Variants in PPP3CA observed in about 807,000 individuals in gnomAD.
The protein encoded by PPP3CA is CAM-PRP catalytic subunit.
PPP3CA carries 14 observed loss-of-function variants against 66.5 expected under a neutral mutation model. That is an observed-to-expected ratio of 0.21 (90% CI 0.14 to 0.33). The LOEUF (loss-of-function observed/expected upper bound fraction) is 0.33, where lower values mean the gene tolerates loss of function less well. Among genes scored for constraint, PPP3CA ranks in the 10% least tolerant of loss-of-function variants. The probability of loss-of-function intolerance (pLI) is 1.00; values close to 1 mark genes in which losing one functional copy is unlikely to be tolerated. For missense variants in PPP3CA, 317 were observed against 639.5 expected (o/e 0.50, Z 5.44); for synonymous variants, 232 against 226.2 (o/e 1.03, Z -0.23).
chr4:101,186,494 C>T (rs1413739504), intron 2 of PPP3CA, among the ~76,000 whole-genome samples: 1 of 152,106 alleles, frequency 6.6e-6, no homozygotes, highest in East Asian at 1.9e-4. Context: ...TGACATGGGA[C>T]TCTTTAGCAA....
intron 1 of PPP3CA, 80 bp downstream of exon 1, chr4:101,346,659 G>C: frequency 3.3e-6 from 4 of 1,205,970 alleles, no homozygotes; most frequent in South Asian, 1.3e-5. Context: ...GCGGGGGAGG[G>C]GAGGAAAGGC....
intron 11 of PPP3CA, among the ~76,000 whole-genome samples, chr4:101,034,864 A>G (rs1727170316): frequency 6.6e-6 from 1 of 152,202 alleles, no homozygotes; most frequent in South Asian, 2.1e-4. Flanking sequence ...GAGTACCTCT[A>G]AAGAACGAAC....
intron 2 of PPP3CA, among the ~76,000 whole-genome samples, chr4:101,116,086 A>C (rs1721830109): frequency 6.7e-6 from 1 of 150,352 alleles, no homozygotes; most frequent in East Asian, 1.9e-4. Context: ...TTCTATAAAG[A>C]CCTTTTAGTT....
chr4:101,063,314 T>C lies in PPP3CA; in HGVS notation c.999A>G (p.Gln333=). 5 of 1,611,192 alleles carry C rather than the reference T, an allele frequency of 3.1e-6. No individual in the cohort carries two copies. The highest frequency in any genetic ancestry group is 4.2e-6 in the Non-Finnish European group (5 of 1,178,130). Residue 333 remains glutamine (Q), a synonymous_variant, in exon 9 of 14, where the codon CAA becomes CAG. Transcript: ENST00000394854. ...KYENNVMNIR[Q]FNCSPHPYWL... Reference sequence around the variant, plus strand: ...AGTATGGATGAGGAGAACAGTTGAATTGCCTGATATTCATAACATTGTTCT... The same window carrying C: ...AGTATGGATGAGGAGAACAGTTGAACTGCCTGATATTCATAACATTGTTCT...
chr4:101,109,213 T>A, intron 2 of PPP3CA, 135 bp from the exon 3 acceptor site: 1 of 956,216 alleles, frequency 1.0e-6, no homozygotes, highest in Non-Finnish European at 1.5e-6. Flanking sequence ...GAACAAGAAG[T>A]ACGACAGAAA....
At chr4:101,254,619 A>G (rs1726781880) in intron 1 of PPP3CA, among the ~76,000 whole-genome samples, 1 of 151,942 alleles carries the variant, frequency 6.6e-6, no homozygotes, top group Non-Finnish European at 1.5e-5. Context: ...GAAGGTGTTC[A>G]CTGATATCAT....
At chr4:101,175,855 A>T (rs1055214293) in intron 2 of PPP3CA, among the ~76,000 whole-genome samples, 1 of 152,190 alleles carries the variant, frequency 6.6e-6, no homozygotes, top group African/African-American at 2.4e-5. Flanking sequence ...CACACAGAGG[A>T]GTTAAGTTTA....
intron 1 of PPP3CA, among the ~76,000 whole-genome samples, chr4:101,320,433 CACAT>C (rs913292474): frequency 1.3e-5 from 2 of 149,970 alleles, no homozygotes; most frequent in African/African-American, 4.9e-5. Flanking sequence ...ATGGTACACA[CACAT>C]ACACAAAACC....
In PPP3CA at chr4:101,346,640, G is replaced by A. The variant is rs1453442366; in HGVS notation, c.58+99C>T. ...GTCCGCGGCTGGAGCGGACAGAGGA[G>A]AACCTGGGGCGGGGGAGGGGAGGAA... On this transcript the variant is annotated intron_variant, in intron 1 of 13. Coordinates refer to ENST00000394854, the MANE Select transcript of PPP3CA (RefSeq NM_000944.5). The A allele has an allele frequency of 2.5e-5, 26 of 1,051,020 alleles. No individual in the cohort carries two copies. In the African/African-American group the frequency reaches 3.9e-4, roughly 16 times the overall value. 65.1% of individuals were successfully genotyped at this position (1,051,020 alleles called of 1,614,324 possible).
intron 1 of PPP3CA, among the ~76,000 whole-genome samples, chr4:101,299,132 T>TG (rs1264932867): frequency 8.0e-6 from 1 of 124,594 alleles, no homozygotes; most frequent in African/African-American, 3.2e-5. Context: ...TTTTTTTTTT[T>TG]GGTACAGAAG....
Position 101,275,875 on chromosome 4 carries a change from T to G in PPP3CA, c.58+70864A>C, listed in dbSNP as rs1560693261. Reference sequence around the variant, plus strand: ...GTGTATGTGTGGTTTTTTTTTTGTTTTTTGTTTGTTTGTTTGTTTTTTGTT... The same window carrying G: ...GTGTATGTGTGGTTTTTTTTTTGTTGTTTGTTTGTTTGTTTGTTTTTTGTT... On this transcript the variant is annotated intron_variant, in intron 1 of 13. Coordinates refer to ENST00000394854, the MANE Select transcript of PPP3CA (RefSeq NM_000944.5). Among the ~76,000 whole-genome samples the G allele has an allele frequency of 4.4e-3, 657 of 149,156 alleles. 9 individuals carry two copies. The South Asian group carries it at 0.056, about 13-fold the overall frequency.
chr4:101,312,928 C>T (rs1418796440), intron 1 of PPP3CA, among the ~76,000 whole-genome samples: 2 of 152,158 alleles, frequency 1.3e-5, no homozygotes, highest in Non-Finnish European at 2.9e-5. Context: ...GCAAAAAATA[C>T]ATAAAAAGCA....
In PPP3CA at chr4:101,347,429, C is replaced by G. The variant is rs1463057585; in HGVS notation, c.-633G>C. On this transcript the variant is annotated 5_prime_UTR_variant, in exon 1 of 14. Coordinates refer to ENST00000394854, the MANE Select transcript of PPP3CA (RefSeq NM_000944.5). ...CGCGGCCGCCGGAGACGTCCCGCCG[C>G]CGCGATCGCCCGCGCTCGCCTCTGC... The G allele has an allele frequency of 6.0e-6, 1 of 167,464 alleles. No individual in the cohort carries two copies. Among genetic ancestry groups the G allele is most frequent in the African/African-American group, 2.4e-5 (1 of 41,486 alleles). 10.4% of individuals were successfully genotyped at this position (167,464 alleles called of 1,614,324 possible). A position where few individuals can be genotyped will look rare whatever the true frequency, so the allele number is the denominator to read the frequency against.
intron 1 of PPP3CA, among the ~76,000 whole-genome samples, chr4:101,211,492 G>A (rs1418997199): frequency 1.3e-5 from 2 of 152,070 alleles, no homozygotes; most frequent in Non-Finnish European, 2.9e-5. Flanking sequence ...ATCTTATCTG[G>A]CTCTTCTGCC....
rs1282825885 is a variant in PPP3CA at position 101,240,522 on chromosome 4, TA to T, written c.59-44407del. 1.2e-4 allele frequency among the ~76,000 whole-genome samples: 18 copies of T among 151,996 alleles called. 2 individuals carry two copies. The highest frequency in any genetic ancestry group is 1.0e-3 in the Admixed American group (16 of 15,246). ...ATTTCTGTTTGTGTTTAAAGAAAAA[TA>T]ACCAGGTTGGTCTTGGAATCTACAA... On this transcript the variant is annotated intron_variant, in intron 1 of 13. Coordinates refer to ENST00000394854, the MANE Select transcript of PPP3CA (RefSeq NM_000944.5).
At chr4:101,072,671 G>A (rs1728967091) in intron 8 of PPP3CA, among the ~76,000 whole-genome samples, 1 of 152,094 alleles carries the variant, frequency 6.6e-6, no homozygotes, top group Non-Finnish European at 1.5e-5. Context: ...CATAAGTATA[G>A]TATGCTATCA....
Position 101,063,212 on chromosome 4 carries a change from C to A in PPP3CA, c.1081+20G>T, listed in dbSNP as rs771970265. 6.2e-7 allele frequency: 1 copy of A among 1,608,684 alleles called. No homozygotes were observed. Among genetic ancestry groups the A allele is most frequent in the Admixed American group, 1.7e-5 (1 of 59,594 alleles). ...TCCTAAACTATTTTAAGAAGAACAT[C>A]TCAGGATTCCACAACATACCTTTTT... On this transcript the variant is annotated intron_variant, in intron 9 of 13. Coordinates refer to ENST00000394854, the MANE Select transcript of PPP3CA (RefSeq NM_000944.5).
intron 1 of PPP3CA, among the ~76,000 whole-genome samples, chr4:101,211,375 T>TA (rs1003971705): frequency 2.6e-5 from 4 of 152,110 alleles, no homozygotes; most frequent in Non-Finnish European, 5.9e-5. Flanking sequence ...TAGAAAGCCT[T>TA]AAAAAAACAT....
chr4:101,183,369 C>A (rs1009426222), intron 2 of PPP3CA, among the ~76,000 whole-genome samples: 2 of 152,030 alleles, frequency 1.3e-5, no homozygotes, highest in Non-Finnish European at 2.9e-5. Flanking sequence ...TTCCTCATAC[C>A]GCACTGACAA....
Sources: allele counts gnomAD v4.1 joint callset (sites outside exome capture counted in the v4.1 genomes callset), GRCh38; gene constraint gnomAD v4.1.1; transcripts MANE v1.5; gene names NCBI Gene and HGNC (gene_info 2026-07-23, HGNC 2026-07-21).